The following ADGRD1 variants were observed in gnomAD, a reference collection of about 807,000 sequenced individuals.
ADGRD1 encodes G-protein coupled receptor 133.
A neutral mutation model predicts 113.4 loss-of-function variants in ADGRD1; 77 were observed. The ratio of observed to expected loss-of-function variants is 0.68; its 90% CI spans 0.57 to 0.82. The LOEUF (loss-of-function observed/expected upper bound fraction) is 0.82. Among genes scored for constraint, ADGRD1 ranks in the 40% least tolerant of loss-of-function variants. ADGRD1 has a pLI of 0.00. For synonymous variants in ADGRD1, 474 were observed against 475.0 expected (o/e 1.00, Z 0.03); for missense variants, 1,036 against 1,139.1 (o/e 0.91, Z 1.30).
chr12:131,117,844 G>A (rs930182771), intron 18 of ADGRD1, among the ~76,000 whole-genome samples: 2 of 152,182 alleles, frequency 1.3e-5, no homozygotes, highest in African/African-American at 2.4e-5. Flanking sequence ...CCTTTCCACC[G>A]CCGCTCTAGA....
intron 20 of ADGRD1, among the ~76,000 whole-genome samples, chr12:131,129,935 GCACTCACA>G (rs1316694506): frequency 3.9e-5 from 6 of 152,342 alleles, no homozygotes; most frequent in African/African-American, 1.4e-4. Flanking sequence ...GGCATGGGCC[GCACTCACA>G]CATCAGTGAC....
chr12:131,126,998 G>A (rs1022618510), intron 20 of ADGRD1, among the ~76,000 whole-genome samples: 4 of 151,888 alleles, frequency 2.6e-5, no homozygotes, highest in South Asian at 2.1e-4. Flanking sequence ...CCACCGCACC[G>A]ATGCAGGATT....
intron 15 of ADGRD1, among the ~76,000 whole-genome samples, chr12:131,097,185 C>T (rs997456609): frequency 1.3e-5 from 2 of 152,162 alleles, no homozygotes; most frequent in African/African-American, 4.8e-5. Context: ...TTCTGTTTTC[C>T]CAGATGGCCC....
intron 12 of ADGRD1, 35 bp downstream of exon 12, chr12:131,006,082 G>T (rs1002934435): frequency 5.2e-5 from 82 of 1,578,648 alleles, no homozygotes; most frequent in Non-Finnish European, 7.1e-5. Context: ...AGGGGCGTGG[G>T]TGTGCGTGGG....
intron 2 of ADGRD1, among the ~76,000 whole-genome samples, chr12:130,958,941 C>T (rs961812483): frequency 2.0e-5 from 3 of 152,336 alleles, no homozygotes; most frequent in African/African-American, 4.8e-5. Context: ...ACAGACCAAG[C>T]GATTTGCTCA....
In ADGRD1 at chr12:131,141,101, T is replaced by C. The variant is rs747692840; in HGVS notation, c.*1838T>C. On this transcript the variant is annotated 3_prime_UTR_variant, in exon 25 of 25. Coordinates refer to ENST00000261654, the MANE Select transcript of ADGRD1 (RefSeq NM_198827.5). Reference sequence around the variant, plus strand: ...AAGTGAGAACACTGTATTCCTACAATGTACACTTGGATATTTCTCCTTATT... The same window carrying C: ...AAGTGAGAACACTGTATTCCTACAACGTACACTTGGATATTTCTCCTTATT... 9.2e-5 allele frequency: 14 copies of C among 152,250 alleles called. No individual in the cohort carries two copies. Among genetic ancestry groups the C allele is most frequent in the Non-Finnish European group, 1.9e-4 (13 of 68,040 alleles). 9.4% of individuals were successfully genotyped at this position (152,250 alleles called of 1,614,324 possible).
rs1372074750 is a variant in ADGRD1 at position 131,057,306 on chromosome 12, C to T, written c.1474-19495C>T. Among the ~76,000 whole-genome samples, 1 of 152,156 alleles carries T rather than the reference C, an allele frequency of 6.6e-6. No homozygotes were observed. Among genetic ancestry groups the T allele is most frequent in the Non-Finnish European group, 1.5e-5 (1 of 68,034 alleles). On this transcript the variant is annotated intron_variant, in intron 13 of 24. Coordinates refer to ENST00000261654, the MANE Select transcript of ADGRD1 (RefSeq NM_198827.5). This position sits in a 1 kb window ranked among gnomAD's most constrained non-coding sequence, Gnocchi z 4.2. ...ATCAGTGGTTCCTAATGTGTTGAGA[C>T]ACGCCGCGGACCAGAGAATGCTTGG... is the stretch of plus-strand genomic sequence containing the variant.
chr12:131,138,274 T>A (rs1188376501), intron 24 of ADGRD1, 45 bp downstream of exon 24: 14 of 1,542,052 alleles, frequency 9.1e-6, no homozygotes, highest in Non-Finnish European at 1.2e-5. Flanking sequence ...CCATCCTCCT[T>A]CCCCAGGCTC....
chr12:131,101,601 T>C (rs1221014473), intron 15 of ADGRD1, among the ~76,000 whole-genome samples: 1 of 152,072 alleles, frequency 6.6e-6, no homozygotes, highest in Non-Finnish European at 1.5e-5. Flanking sequence ...TTGGCCAGAC[T>C]GGTCTCAAAC....
chr12:131,007,890 AAATC>A (rs77494690), intron 12 of ADGRD1, among the ~76,000 whole-genome samples: 1 of 106,338 alleles, frequency 9.4e-6, no homozygotes, highest in African/African-American at 2.9e-5. Flanking sequence ...ACCTGGAAAA[AAATC>A]ATGCAAACAG....
At chr12:131,131,350 G>A (rs1950922512) in intron 20 of ADGRD1, among the ~76,000 whole-genome samples, 1 of 152,216 alleles carries the variant, frequency 6.6e-6, no homozygotes, top group Admixed American at 6.5e-5. Flanking sequence ...TGCACAGTGG[G>A]CACTATCCTT....
chr12:131,071,088 G>T (rs1885128301), intron 13 of ADGRD1, among the ~76,000 whole-genome samples: 1 of 144,046 alleles, frequency 6.9e-6, no homozygotes, highest in Admixed American at 7.1e-5. Flanking sequence ...GTGAAAGGAG[G>T]TGGAGCCATG....
At position 131,104,892 on chromosome 12, in the gene ADGRD1, T is replaced by A; in HGVS notation, c.1733T>A (p.Val578Glu). 6.4e-7 allele frequency: 1 copy of A among 1,551,572 alleles called. No homozygotes were observed. Among genetic ancestry groups the A allele is most frequent in the Non-Finnish European group, 8.7e-7 (1 of 1,147,254 alleles). Reference sequence around the variant, plus strand: ...AGCTATGTGGGCTGCTCCCTCTCCGTGCTCTGCCTGGTGGCCACGCTGGTC... The same window carrying A: ...AGCTATGTGGGCTGCTCCCTCTCCGAGCTCTGCCTGGTGGCCACGCTGGTC... Reference protein sequence around the residue: ...SISYVGCSLSVLCLVATLVTF... With the variant: ...SISYVGCSLSELCLVATLVTF... Residue 578 changes from valine (V) to glutamate (E), a missense_variant, in exon 16 of 25, where the codon GTG (valine) becomes GAG (glutamate). Transcript: ENST00000261654.
At position 131,129,365 on chromosome 12, in the gene ADGRD1, G is replaced by T. The variant is rs536300390; in HGVS notation, c.2176-2360G>T. On this transcript the variant is annotated intron_variant, in intron 20 of 24. Transcript: ENST00000261654. ...CCTGTCTGGGTGTGAGTGACAGGCT[G>T]GCCCTCCTGTCTGGGTGTGAGTGAC... Among the ~76,000 whole-genome samples, 163 of 93,644 alleles carry T rather than the reference G, an allele frequency of 1.7e-3. 16 individuals carry two copies. The highest frequency in any genetic ancestry group is 4.4e-3 in the African/African-American group (73 of 16,596). The allele number at this position is 93,644 out of a possible 152,430, so 61.4% of individuals were successfully genotyped here.
intron 8 of ADGRD1, among the ~76,000 whole-genome samples, chr12:130,993,546 G>A (rs1874721903): frequency 6.6e-6 from 1 of 151,926 alleles, no homozygotes; most frequent in Admixed American, 6.6e-5. Flanking sequence ...GGAGCTGCGG[G>A]ACTCAGCGGT....
intron 23 of ADGRD1, 34 bp from the exon 24 acceptor site, chr12:131,138,103 A>C (rs1951142658): frequency 6.3e-7 from 1 of 1,577,568 alleles, no homozygotes; most frequent in Admixed American, 1.7e-5. Context: ...GCAGCCTCTG[A>C]AATTGCTCTC....
chr12:130,996,721 A>T (rs1448412698), intron 8 of ADGRD1, among the ~76,000 whole-genome samples: 29 of 52,768 alleles, frequency 5.5e-4, no homozygotes, highest in East Asian at 9.4e-4. Context: ...CCCCCCCACC[A>T]CCCTCCCGGA....
At chr12:130,976,032 C>T (rs1006465649) in intron 4 of ADGRD1, among the ~76,000 whole-genome samples, 8 of 152,332 alleles carry the variant, frequency 5.3e-5, no homozygotes, top group South Asian at 2.1e-4. Flanking sequence ...GCTGAGGTCC[C>T]GAGGCAGCAG....
At chr12:131,011,832 A>G (rs1335335687) in intron 12 of ADGRD1, among the ~76,000 whole-genome samples, 3 of 152,250 alleles carry the variant, frequency 2.0e-5, no homozygotes, top group Non-Finnish European at 2.9e-5. Context: ...GGCACTGGGC[A>G]CAGAGAGTGA....
Sources: gnomAD v4.1 joint callset for allele counts (sites outside exome capture counted in the v4.1 genomes callset) on GRCh38, gnomAD v4.1.1 for gene constraint, Gnocchi (gnomAD v3.1) non-coding constraint, MANE v1.5 for transcripts, NCBI Gene and HGNC (gene_info 2026-07-23, HGNC 2026-07-21) for gene names.